Variants in NFIB observed in about 807,000 individuals in gnomAD.
The protein encoded by NFIB is nuclear factor I B.
In NFIB, 11 loss-of-function variants were observed where a neutral mutation model predicts 61.5. The observed-to-expected ratio is 0.18, with a 90% CI of 0.11 to 0.30. The LOEUF (loss-of-function observed/expected upper bound fraction) is 0.30, where lower values mean the gene tolerates loss of function less well. NFIB is among the 10% of genes least tolerant of loss of function. The pLI, the probability that NFIB is intolerant of heterozygous loss-of-function variation, is 1.00. For synonymous variants in NFIB, 260 were observed against 216.5 expected (o/e 1.20, Z -1.76); for missense variants, 471 against 608.9 (o/e 0.77, Z 2.38).
Position 14,162,732 on chromosome 9 carries a change from A to G in NFIB, c.617-6839T>C, listed in dbSNP as rs191548873. Among the ~76,000 whole-genome samples, 70 of 152,208 alleles carry G rather than the reference A, an allele frequency of 4.6e-4. No homozygotes were observed. The East Asian group carries it at 8.7e-3, about 19-fold the overall frequency. On this transcript the variant is annotated intron_variant, in intron 3 of 10. Transcript: ENST00000380953. ...AATCTGTTGCAGAGAAGACTCTTAGATAACTCTGAATCGTGAATACTATTC... is the reference window on the plus strand; with the variant it reads ...AATCTGTTGCAGAGAAGACTCTTAGGTAACTCTGAATCGTGAATACTATTC...
intron 1 of NFIB, among the ~76,000 whole-genome samples, chr9:14,354,529 A>G (rs1422995861): frequency 6.6e-6 from 1 of 152,138 alleles, no homozygotes; most frequent in African/African-American, 2.4e-5. Context: ...AGGTACAAAG[A>G]CCAATTTGAG....
At chr9:14,264,264 T>C (rs1032357414) in intron 2 of NFIB, among the ~76,000 whole-genome samples, 3 of 152,274 alleles carry the variant, frequency 2.0e-5, no homozygotes, top group East Asian at 1.9e-4. Flanking sequence ...TTCCTCTCTG[T>C]TACTAAGAGA....
intron 2 of NFIB, among the ~76,000 whole-genome samples, chr9:14,191,336 T>G (rs1043493278): frequency 1.3e-5 from 2 of 151,148 alleles, no homozygotes; most frequent in Non-Finnish European, 2.9e-5. Context: ...TTGAAAAAAA[T>G]AAACAAAAAT....
At chr9:14,354,591 G>A (rs1421321119) in intron 1 of NFIB, among the ~76,000 whole-genome samples, 1 of 152,122 alleles carries the variant, frequency 6.6e-6, no homozygotes, top group African/African-American at 2.4e-5. Flanking sequence ...GAAATTTAGG[G>A]CCATCCCTTG....
chr9:14,372,171 A>G (rs1028409724), intron 1 of NFIB, among the ~76,000 whole-genome samples: 1 of 152,168 alleles, frequency 6.6e-6, no homozygotes, highest in African/African-American at 2.4e-5. Context: ...TGAAAACAAG[A>G]AAATGAAATA....
At chr9:14,335,190 T>C (rs899182506) in intron 1 of NFIB, among the ~76,000 whole-genome samples, 6 of 152,246 alleles carry the variant, frequency 3.9e-5, no homozygotes, top group Admixed American at 3.9e-4. Context: ...GTTGGGTAGA[T>C]ATCTAGCAAT....
At chr9:14,138,892 A>ATGTG (rs36000888) in intron 6 of NFIB, among the ~76,000 whole-genome samples, 44 of 149,152 alleles carry the variant, frequency 3.0e-4, no homozygotes, top group African/African-American at 8.8e-4. Context: ...TAGTTGATTT[A>ATGTG]TGTGTGTGTG....
chr9:14,492,689 C>T, the NFIB span, among the ~76,000 whole-genome samples: 1 of 152,136 alleles, frequency 6.6e-6, no homozygotes, highest in East Asian at 1.9e-4. Flanking sequence ...GATCCACCCC[C>T]ATGATACAAT....
intron 4 of NFIB, 113 bp downstream of exon 4, chr9:14,155,712 T>C (rs1381916769): frequency 1.9e-6 from 1 of 535,236 alleles, no homozygotes; most frequent in East Asian, 3.6e-5. Context: ...TTTAAGATTT[T>C]AATTCAAATT....
intron 2 of NFIB, chr9:14,204,372 G>C (rs2049391556): frequency 3.0e-6 from 3 of 996,578 alleles, no homozygotes; most frequent in Non-Finnish European, 4.7e-6. Context: ...TTTGGCATTA[G>C]ACAGGACATC....
At chr9:14,495,984 C>A in the NFIB span, among the ~76,000 whole-genome samples, 1 of 152,168 alleles carries the variant, frequency 6.6e-6, no homozygotes, top group South Asian at 2.1e-4. Flanking sequence ...TTCATCTCTT[C>A]ACCTGTAAAA....
chr9:14,404,246 A>G, the NFIB span, among the ~76,000 whole-genome samples: 1 of 152,212 alleles, frequency 6.6e-6, no homozygotes, highest in Admixed American at 6.5e-5. Context: ...AAATGCAAGA[A>G]GGAACAGAAG....
At chr9:14,512,754 TCCTC>T in the NFIB span, among the ~76,000 whole-genome samples, 1 of 152,094 alleles carries the variant, frequency 6.6e-6, no homozygotes, top group African/African-American at 2.4e-5. Context: ...TTTTCTCTCT[TCCTC>T]CATTCCTTTT....
chr9:14,431,336 T>C, the NFIB span, among the ~76,000 whole-genome samples: 1 of 152,184 alleles, frequency 6.6e-6, no homozygotes, highest in Non-Finnish European at 1.5e-5. Flanking sequence ...TACCCCTGGA[T>C]TGTAGTCTAC....
chr9:14,441,932 C>T, the NFIB span, among the ~76,000 whole-genome samples: 4 of 152,312 alleles, frequency 2.6e-5, no homozygotes, highest in East Asian at 7.7e-4. Flanking sequence ...CTTGTAATTT[C>T]CCATGAATGA....
chr9:14,429,942 T>C, the NFIB span, among the ~76,000 whole-genome samples: 1 of 152,256 alleles, frequency 6.6e-6, no homozygotes, highest in Admixed American at 6.5e-5. Context: ...GTATTCATTG[T>C]ATGACTAATT....
intron 1 of NFIB, among the ~76,000 whole-genome samples, chr9:14,329,165 T>C (rs1437078252): frequency 2.0e-5 from 3 of 152,214 alleles, no homozygotes; most frequent in Admixed American, 2.0e-4. Flanking sequence ...GCTCTTCTTA[T>C]AGATGAAAAA....
chr9:14,503,640 G>A, the NFIB span, among the ~76,000 whole-genome samples: 4 of 152,036 alleles, frequency 2.6e-5, no homozygotes, highest in South Asian at 2.1e-4. Flanking sequence ...TTTGAGGATC[G>A]TTTATTCATT....
intron 2 of NFIB, among the ~76,000 whole-genome samples, chr9:14,191,854 T>A (rs1201941856): frequency 6.6e-6 from 1 of 152,236 alleles, no homozygotes; most frequent in Non-Finnish European, 1.5e-5. Flanking sequence ...TTTTCCAAAT[T>A]GATTATTATG....
Sources: gnomAD v4.1 joint callset for allele counts (sites outside exome capture counted in the v4.1 genomes callset) on GRCh38, gnomAD v4.1.1 for gene constraint, MANE v1.5 for transcripts, NCBI Gene and HGNC (gene_info 2026-07-23, HGNC 2026-07-21) for gene names.